STXBP5L: variants seen among roughly 807,000 people sequenced by gnomAD.
STXBP5L encodes the protein syntaxin-binding protein 5-like.
STXBP5L carries 65 observed loss-of-function variants against 144.5 expected under a neutral mutation model. The observed-to-expected ratio is 0.45, with a 90% CI of 0.37 to 0.55. The LOEUF (loss-of-function observed/expected upper bound fraction) is 0.55. Ranked by LOEUF, STXBP5L falls within the 20% of genes least tolerant of loss-of-function variation. The pLI is 0.00. For synonymous variants in STXBP5L, 505 were observed against 469.6 expected (o/e 1.08, Z -0.97); for missense variants, 1,298 against 1,405.5 (o/e 0.92, Z 1.22).
chr3:121,405,967 T>A (rs2046985548), intron 22 of STXBP5L, among the ~76,000 whole-genome samples: 1 of 152,048 alleles, frequency 6.6e-6, no homozygotes, highest in South Asian at 2.1e-4. Context: ...CATCTCTAAA[T>A]CAAGGATGAA....
chr3:120,928,739 T>C (rs1709770514), intron 2 of STXBP5L, among the ~76,000 whole-genome samples: 2 of 152,078 alleles, frequency 1.3e-5, no homozygotes, highest in Non-Finnish European at 2.9e-5. Flanking sequence ...GATTTGTTCT[T>C]TTTTTATTGC....
intron 20 of STXBP5L, among the ~76,000 whole-genome samples, chr3:121,340,666 CT>C (rs1272265756): frequency 2.0e-5 from 3 of 152,028 alleles, no homozygotes; most frequent in Non-Finnish European, 4.4e-5. Context: ...TGAACTCATC[CT>C]TTTTATGGCT....
chr3:120,980,621 G>A (rs959114191), intron 3 of STXBP5L, among the ~76,000 whole-genome samples: 1 of 151,980 alleles, frequency 6.6e-6, no homozygotes, highest in African/African-American at 2.4e-5. Flanking sequence ...TTTCTTATAA[G>A]AAGCTATCAT....
At chr3:121,030,651 A>G (rs957412046) in intron 3 of STXBP5L, among the ~76,000 whole-genome samples, 5 of 152,088 alleles carry the variant, frequency 3.3e-5, no homozygotes, top group Non-Finnish European at 7.4e-5. Context: ...CACGTTCTGC[A>G]CCTGTATCCC....
intron 20 of STXBP5L, among the ~76,000 whole-genome samples, chr3:121,343,411 G>A (rs1175225861): frequency 1.3e-5 from 2 of 152,114 alleles, no homozygotes; most frequent in African/African-American, 2.4e-5. Context: ...AATTAGGCAG[G>A]AGAAGGAAAT....
In STXBP5L at chr3:121,112,820, A is replaced by G. The variant is rs978445509; in HGVS notation, c.471-2105A>G. ...TGGTGGTAGAAATAAGTTACAAATG[A>G]AAGTGTAATTATAAAATACAATAAA... On this transcript the variant is annotated intron_variant, in intron 5 of 26. Coordinates refer to ENST00000471454, the MANE Select transcript of STXBP5L (RefSeq NM_001308330.2). Among the ~76,000 whole-genome samples, 6 of 152,332 alleles carry G rather than the reference A, an allele frequency of 3.9e-5. No individual in the cohort carries two copies. The South Asian group carries it at 1.0e-3, about 26-fold the overall frequency.
chr3:121,351,005 G>A (rs1237974121), intron 20 of STXBP5L, among the ~76,000 whole-genome samples: 1 of 152,160 alleles, frequency 6.6e-6, no homozygotes, highest in Non-Finnish European at 1.5e-5. Flanking sequence ...CTGGTGAGGA[G>A]CTACGTTCCT....
In STXBP5L at chr3:120,952,377, A is replaced by ATT. The variant is rs1468404870; in HGVS notation, c.190-2560_190-2559dup. On this transcript the variant is annotated intron_variant, in intron 2 of 26. Coordinates refer to ENST00000471454, the MANE Select transcript of STXBP5L (RefSeq NM_001308330.2). Reference sequence around the variant, plus strand: ...ATATTGTGTAGTTTTCAGAGTACAAATTTTGCACTTCTTTTGTTCATTTTA... The same window carrying ATT: ...ATATTGTGTAGTTTTCAGAGTACAAATTTTTTGCACTTCTTTTGTTCATTTTA... 2.0e-5 allele frequency among the ~76,000 whole-genome samples: 3 copies of ATT among 151,948 alleles called. No individual in the cohort carries two copies. In the East Asian group the frequency reaches 5.8e-4, roughly 29 times the overall value.
At chr3:121,283,193 T>C (rs974877226) in intron 19 of STXBP5L, among the ~76,000 whole-genome samples, 13 of 151,996 alleles carry the variant, frequency 8.6e-5, no homozygotes, top group African/African-American at 3.1e-4. Context: ...CACTCACACA[T>C]ATATGTTGTT....
At chr3:120,947,907 A>G (rs1710961782) in intron 2 of STXBP5L, among the ~76,000 whole-genome samples, 1 of 151,860 alleles carries the variant, frequency 6.6e-6, no homozygotes, top group South Asian at 2.1e-4. Context: ...TAATGCTGCT[A>G]TGAACATTAC....
intron 11 of STXBP5L, among the ~76,000 whole-genome samples, chr3:121,232,276 A>G (rs1015726832): frequency 4.6e-5 from 7 of 152,106 alleles, no homozygotes; most frequent in Admixed American, 1.3e-4. Flanking sequence ...TCTTCTTTCA[A>G]TCAAAGTTGA....
intron 22 of STXBP5L, among the ~76,000 whole-genome samples, chr3:121,396,271 G>T (rs1290883869): frequency 6.6e-6 from 1 of 152,216 alleles, no homozygotes; most frequent in African/African-American, 2.4e-5. Context: ...TTTAAGGAAA[G>T]ATTCATTCTT....
chr3:120,937,352 T>G (rs1710315331), intron 2 of STXBP5L, among the ~76,000 whole-genome samples: 1 of 152,182 alleles, frequency 6.6e-6, no homozygotes, highest in South Asian at 2.1e-4. Context: ...CAGGTAAAAC[T>G]CACAAAAGTG....
intron 1 of STXBP5L, among the ~76,000 whole-genome samples, chr3:120,908,615 C>T (rs1323633846): frequency 6.6e-6 from 1 of 151,346 alleles, no homozygotes; most frequent in Non-Finnish European, 1.5e-5. Context: ...CGCGCCTCAG[C>T]GCTGGGCCTG....
At chr3:121,188,365 A>C (rs1371282422) in intron 9 of STXBP5L, among the ~76,000 whole-genome samples, 3 of 152,130 alleles carry the variant, frequency 2.0e-5, no homozygotes, top group Non-Finnish European at 4.4e-5. Flanking sequence ...TCAAATTAGA[A>C]CTCAGAATTA....
chr3:121,293,130 C>T lies in STXBP5L; in HGVS notation c.2110+13174C>T, dbSNP rs147830002. Among the ~76,000 whole-genome samples the T allele has an allele frequency of 4.6e-3, 700 of 152,128 alleles. 4 individuals carry two copies. Among genetic ancestry groups the T allele is most frequent in the African/African-American group, 0.016 (659 of 41,484 alleles). ...AAATCCAAACAATGGTGCTCTGCTCCGCAATAAAAAAGAATATACTATTGA... is the reference window on the plus strand; with the variant it reads ...AAATCCAAACAATGGTGCTCTGCTCTGCAATAAAAAAGAATATACTATTGA... On this transcript the variant is annotated intron_variant, in intron 19 of 26. Coordinates refer to ENST00000471454, the MANE Select transcript of STXBP5L (RefSeq NM_001308330.2).
At chr3:121,342,712 T>A (rs1489024272) in intron 20 of STXBP5L, among the ~76,000 whole-genome samples, 1 of 150,138 alleles carries the variant, frequency 6.7e-6, no homozygotes, top group African/African-American at 2.5e-5. Flanking sequence ...TACCATGTTG[T>A]ATATGTGCCA....
chr3:121,320,052 A>C (rs2043918572), intron 20 of STXBP5L, among the ~76,000 whole-genome samples: 1 of 152,208 alleles, frequency 6.6e-6, no homozygotes, highest in Admixed American at 6.5e-5. Context: ...AGAATTTGTC[A>C]GTTCACACAC....
chr3:121,089,614 A>T (rs2042679274), intron 5 of STXBP5L, among the ~76,000 whole-genome samples: 1 of 151,172 alleles, frequency 6.6e-6, no homozygotes, highest in Non-Finnish European at 1.5e-5. Flanking sequence ...TATTCCGTTT[A>T]GTTTTGCTCA....
Sources: allele counts gnomAD v4.1 joint callset (sites outside exome capture counted in the v4.1 genomes callset), GRCh38; gene constraint gnomAD v4.1.1; transcripts MANE v1.5; gene names NCBI Gene and HGNC (gene_info 2026-07-23, HGNC 2026-07-21).